CD86: variants seen among roughly 807,000 people sequenced by gnomAD.
The protein encoded by CD86 is CD86 molecule, also known as T-lymphocyte activation antigen CD86.
Under a neutral mutation model 32.1 loss-of-function variants are expected in CD86, and 11 were observed. That is an observed-to-expected ratio of 0.34 (90% CI 0.22 to 0.57). The LOEUF is 0.57. Among genes scored for constraint, CD86 ranks in the 20% least tolerant of loss-of-function variants. CD86 has a pLI of 0.86. For missense variants in CD86, 359 were observed against 398.4 expected (o/e 0.90, Z 0.84); for synonymous variants, 137 against 135.3 (o/e 1.01, Z -0.09).
At chr3:122,060,750 A>G (rs1024318530) in intron 1 of CD86, among the ~76,000 whole-genome samples, 1 of 152,182 alleles carries the variant, frequency 6.6e-6, no homozygotes, top group Non-Finnish European at 1.5e-5. Context: ...GTCATTTTAC[A>G]TGTTGGATTT....
At chr3:122,062,510 A>G (rs2072353658) in intron 1 of CD86, among the ~76,000 whole-genome samples, 1 of 152,188 alleles carries the variant, frequency 6.6e-6, no homozygotes, top group Non-Finnish European at 1.5e-5. Flanking sequence ...TTTTGTGGTA[A>G]ATATATCAAA....
At chr3:122,076,236 A>C (rs902419214) in intron 1 of CD86, among the ~76,000 whole-genome samples, 5 of 152,230 alleles carry the variant, frequency 3.3e-5, no homozygotes, top group Admixed American at 2.0e-4. Context: ...AAGTGGTACT[A>C]GTAGCTAGAA....
intron 5 of CD86, among the ~76,000 whole-genome samples, chr3:122,115,877 A>G (rs1391315617): frequency 6.6e-6 from 1 of 152,090 alleles, no homozygotes; most frequent in Non-Finnish European, 1.5e-5. Context: ...AACAAAATAG[A>G]GAGTCAAAAA....
Position 122,055,382 on chromosome 3 carries a change from TGCAC to T in CD86, c.-107_-104del. 9.1e-7 allele frequency: 1 copy of T among 1,098,010 alleles called. No individual in the cohort carries two copies. The highest frequency in any genetic ancestry group is 1.3e-5 in the South Asian group (1 of 78,114). 68.0% of individuals were successfully genotyped at this position (1,098,010 alleles called of 1,614,324 possible). On this transcript the variant is annotated 5_prime_UTR_variant, in exon 1 of 7. Transcript: ENST00000330540. The stretch of plus-strand genomic sequence containing the variant: ...TATACAGTCATTGCCGAGGAAGGCT[TGCAC>T]AGGGTGAAAGCTTTGCTTCTCTGCT...
chr3:122,077,727 A>G (rs2072573694), intron 1 of CD86: 2 of 982,694 alleles, frequency 2.0e-6, no homozygotes, highest in South Asian at 9.4e-5. Flanking sequence ...CTTTACACTC[A>G]TGCTCCGAGG....
At chr3:122,092,454 G>A (rs1188480275) in intron 2 of CD86, among the ~76,000 whole-genome samples, 1 of 152,026 alleles carries the variant, frequency 6.6e-6, no homozygotes, top group Non-Finnish European at 1.5e-5. Context: ...TAGCAGTCAG[G>A]GGCATTTTGT....
intron 1 of CD86, among the ~76,000 whole-genome samples, chr3:122,074,213 C>A (rs1335016805): frequency 6.6e-6 from 1 of 152,206 alleles, no homozygotes; most frequent in Non-Finnish European, 1.5e-5. Context: ...TTGCTACCCC[C>A]TCGGGAGCAC....
intron 1 of CD86, chr3:122,077,787 A>T: frequency 1.0e-6 from 1 of 985,442 alleles, no homozygotes; most frequent in Non-Finnish European, 1.2e-6. Flanking sequence ...TGCCGGCAGA[A>T]GTTATTTGGA....
intron 2 of CD86, among the ~76,000 whole-genome samples, chr3:122,096,630 C>T (rs2072912859): frequency 6.6e-6 from 1 of 152,146 alleles, no homozygotes; most frequent in South Asian, 2.1e-4. Context: ...TCACAACAAA[C>T]CTATGAGGTA....
At chr3:122,104,518 A>ATTGTATAGATC (rs2073061340) in intron 3 of CD86, among the ~76,000 whole-genome samples, 1 of 152,022 alleles carries the variant, frequency 6.6e-6, no homozygotes, top group Non-Finnish European at 1.5e-5. Context: ...TGTTCTACTG[A>ATTGTATAGATC]TTGTATAGAT....
intron 1 of CD86, among the ~76,000 whole-genome samples, chr3:122,073,303 G>A (rs1199162446): frequency 1.3e-5 from 2 of 151,682 alleles, no homozygotes; most frequent in Non-Finnish European, 2.9e-5. Context: ...CTTATTTGCT[G>A]TCCGTGTACC....
intron 5 of CD86, among the ~76,000 whole-genome samples, chr3:122,112,753 AG>A (rs2073194808): frequency 6.6e-6 from 1 of 152,196 alleles, no homozygotes. Context: ...TGGGTATAAA[AG>A]GATAATTCAT....
At chr3:122,085,765 C>T (rs770083480) in intron 1 of CD86, among the ~76,000 whole-genome samples, 1 of 152,050 alleles carries the variant, frequency 6.6e-6, no homozygotes, top group African/African-American at 2.4e-5. Context: ...TGAGAAGTAA[C>T]GCTGTGCAGC....
intron 2 of CD86, among the ~76,000 whole-genome samples, chr3:122,101,337 T>G (rs1482235199): frequency 6.6e-6 from 1 of 151,560 alleles, no homozygotes; most frequent in African/African-American, 2.4e-5. Flanking sequence ...GGTCCATACA[T>G]CACACTTTCA....
Position 122,119,820 on chromosome 3 carries a change from A to T in CD86, c.*286A>T, listed in dbSNP as rs2073315457. The T allele has an allele frequency of 1.2e-5, 3 of 249,374 alleles. No individual in the cohort carries two copies. In the South Asian group the frequency reaches 3.6e-4, roughly 30 times the overall value. The allele number at this position is 249,374 out of a possible 1,614,324, so 15.4% of individuals were successfully genotyped here. A position where few individuals can be genotyped will look rare whatever the true frequency, so the allele number is the denominator to read the frequency against. On this transcript the variant is annotated 3_prime_UTR_variant, in exon 7 of 7. Transcript: ENST00000330540. The stretch of plus-strand genomic sequence containing the variant: ...CCTGGAAATAAAATTTAGGACCAAT[A>T]CCTCCTCCAGATCAGATTCTTCTCT...
chr3:122,097,745 G>A (rs375033309), intron 2 of CD86, among the ~76,000 whole-genome samples: 129 of 152,118 alleles, frequency 8.5e-4, no homozygotes, highest in African/African-American at 3.1e-3. Flanking sequence ...GGCTAGGAGT[G>A]GAAAAAATAC....
At chr3:122,091,240 T>G (rs1375816632) in intron 1 of CD86, among the ~76,000 whole-genome samples, 1 of 152,210 alleles carries the variant, frequency 6.6e-6, no homozygotes, top group African/African-American at 2.4e-5. Context: ...TTGTGAGACT[T>G]TGCGATTTTC....
At chr3:122,091,671 T>C in intron 2 of CD86, 21 bp downstream of exon 2, 1 of 1,604,886 alleles carries the variant, frequency 6.2e-7, no homozygotes, top group South Asian at 1.1e-5. Flanking sequence ...TTCAGCTTTG[T>C]TAAGTCCTGG....
intron 1 of CD86, among the ~76,000 whole-genome samples, chr3:122,070,197 G>C (rs1044637917): frequency 6.6e-6 from 1 of 152,152 alleles, no homozygotes; most frequent in Non-Finnish European, 1.5e-5. Flanking sequence ...CTTGCTTGAA[G>C]ACATCTAGAC....
Sources: gnomAD v4.1 joint callset for allele counts (sites outside exome capture counted in the v4.1 genomes callset) on GRCh38, gnomAD v4.1.1 for gene constraint, MANE v1.5 for transcripts, NCBI Gene and HGNC (gene_info 2026-07-23, HGNC 2026-07-21) for gene names.